Variants in ADGRG7 observed in about 807,000 individuals in gnomAD.
ADGRG7 encodes the protein adhesion G protein-coupled receptor G7.
In ADGRG7, 82 loss-of-function variants were observed where a neutral mutation model predicts 88.6. The ratio of observed to expected loss-of-function variants is 0.93; its 90% confidence interval spans 0.77 to 1.11. The LOEUF (loss-of-function observed/expected upper bound fraction) is 1.11. ADGRG7 is among the 50% of genes most tolerant of loss of function. ADGRG7 has a pLI of 0.00. For synonymous variants in ADGRG7, 381 were observed against 345.2 expected (o/e 1.10, Z -1.15); for missense variants, 945 against 953.4 (o/e 0.99, Z 0.12).
rs72915273 is a variant in ADGRG7 at position 100,663,487 on chromosome 3, C to T, written c.1979+3644C>T. ...GAAATTGGAATAAAGATTCTTTTGCCTCCAAGAACCAAAACAAACACCTAC... is the reference window on the plus strand; with the variant it reads ...GAAATTGGAATAAAGATTCTTTTGCTTCCAAGAACCAAAACAAACACCTAC... On this transcript the variant is annotated intron_variant, in intron 14 of 15. Transcript: ENST00000273352. 4.9e-3 allele frequency among the ~76,000 whole-genome samples: 746 copies of T among 152,130 alleles called. 6 individuals carry two copies. The highest frequency in any genetic ancestry group is 0.017 in the African/African-American group (712 of 41,548).
chr3:100,683,725 G>T (rs1388395574), intron 15 of ADGRG7, among the ~76,000 whole-genome samples: 1 of 152,214 alleles, frequency 6.6e-6, no homozygotes, highest in African/African-American at 2.4e-5. Context: ...TGGCAAAGGT[G>T]CCACTGGCCA....
At chr3:100,634,043 C>T (rs183849194) in intron 4 of ADGRG7, among the ~76,000 whole-genome samples, 44 of 152,300 alleles carry the variant, frequency 2.9e-4, no homozygotes, top group Non-Finnish European at 5.3e-4. Flanking sequence ...ATCAAAGACC[C>T]TTGGAAACAG....
rs184202212 is a variant in ADGRG7, at chr3:100,669,172, G to A, written c.2136+67G>A. The A allele has an allele frequency of 5.5e-6, 7 of 1,277,332 alleles. No individual in the cohort carries two copies. In the Admixed American group the frequency reaches 2.0e-4, roughly 36 times the overall value. 79.1% of individuals were successfully genotyped at this position (1,277,332 alleles called of 1,614,324 possible). A position where few individuals can be genotyped will look rare whatever the true frequency, so the allele number is the denominator to read the frequency against. On this transcript the variant is annotated intron_variant, in intron 15 of 15. Transcript: ENST00000273352. ...GTGGAGATATCATCTTGATATCTTA[G>A]TTACCTTTAAGAGACTATTTTAAAA...
intron 1 of ADGRG7, among the ~76,000 whole-genome samples, chr3:100,629,007 C>A (rs1707419686): frequency 6.6e-6 from 1 of 152,108 alleles, no homozygotes; most frequent in South Asian, 2.1e-4. Context: ...AATCTATGTC[C>A]TGATGTTGTT....
At chr3:100,689,488 G>C (rs2094989335) in intron 15 of ADGRG7, among the ~76,000 whole-genome samples, 1 of 152,172 alleles carries the variant, frequency 6.6e-6, no homozygotes, top group African/African-American at 2.4e-5. Flanking sequence ...TTTACAATTT[G>C]GCATGTTTTT....
intron 15 of ADGRG7, among the ~76,000 whole-genome samples, chr3:100,681,846 A>G (rs527842500): frequency 6.6e-6 from 1 of 152,328 alleles, no homozygotes; most frequent in South Asian, 2.1e-4. Context: ...CTGTATGAAC[A>G]AACATCACCA....
chr3:100,663,399 C>G (rs2094948009), intron 14 of ADGRG7, among the ~76,000 whole-genome samples: 2 of 151,998 alleles, frequency 1.3e-5, no homozygotes, highest in African/African-American at 4.8e-5. Context: ...ATGTTATTAT[C>G]CAATATCAAA....
intron 15 of ADGRG7, among the ~76,000 whole-genome samples, chr3:100,676,769 A>T (rs2094965919): frequency 6.6e-6 from 1 of 152,058 alleles, no homozygotes; most frequent in African/African-American, 2.4e-5. Context: ...TTATTTATAT[A>T]TGTGGGTGCT....
At chr3:100,631,123 TA>T (rs34613540) in intron 3 of ADGRG7, among the ~76,000 whole-genome samples, 47,278 of 151,454 alleles carry the variant, frequency 0.31, 7,782 homozygotes, top group Non-Finnish European at 0.34. Flanking sequence ...GTTATATAAT[TA>T]AAAAAAAAGT....
At chr3:100,691,192 C>T (rs1473067705) in intron 15 of ADGRG7, among the ~76,000 whole-genome samples, 1 of 152,150 alleles carries the variant, frequency 6.6e-6, no homozygotes, top group African/African-American at 2.4e-5. Context: ...CCTGGTGTGC[C>T]GTTTGTTAAG....
intron 15 of ADGRG7, among the ~76,000 whole-genome samples, chr3:100,682,611 C>T (rs1402773303): frequency 6.6e-6 from 1 of 152,228 alleles, no homozygotes; most frequent in Non-Finnish European, 1.5e-5. Flanking sequence ...GGGCCATGAG[C>T]CAGGCAAGGG....
chr3:100,639,040 GTGTGTGTGTGTGTGTGTA>G (rs747545733), intron 6 of ADGRG7, among the ~76,000 whole-genome samples: 1 of 73,282 alleles, frequency 1.4e-5, no homozygotes, highest in African/African-American at 4.0e-5. Flanking sequence ...GTGTGTGTGT[GTGTGTGTGTGTGTGTGTA>G]TGTATATGTA....
chr3:100,632,852 T>C (rs1145350), intron 3 of ADGRG7, among the ~76,000 whole-genome samples: 139,310 of 152,236 alleles, frequency 0.92, 65,068 homozygotes, highest in East Asian at 1. Flanking sequence ...TTGAGGCAAC[T>C]AAACATCTAA....
intron 6 of ADGRG7, among the ~76,000 whole-genome samples, chr3:100,639,022 G>C (rs1460746993): frequency 2.0e-4 from 5 of 25,438 alleles, no homozygotes; most frequent in Non-Finnish European, 5.1e-4. Context: ...GTGTGTGTGT[G>C]TGTGTGTGTG....
intron 15 of ADGRG7, among the ~76,000 whole-genome samples, chr3:100,685,621 A>G (rs532482246): frequency 8.0e-4 from 121 of 151,916 alleles, no homozygotes; most frequent in African/African-American, 2.8e-3. Context: ...GAGAACATGC[A>G]GTGTTTGGTT....
chr3:100,676,930 C>T (rs1385543249), intron 15 of ADGRG7, among the ~76,000 whole-genome samples: 1 of 151,688 alleles, frequency 6.6e-6, no homozygotes, highest in Admixed American at 6.6e-5. Context: ...TGCTCTTTTT[C>T]GGTTTCTGTG....
intron 14 of ADGRG7, among the ~76,000 whole-genome samples, chr3:100,661,435 A>G (rs2094945168): frequency 6.6e-6 from 1 of 152,200 alleles, no homozygotes; most frequent in South Asian, 2.1e-4. Flanking sequence ...TTTTATTTAA[A>G]CCAGTACAAG....
intron 1 of ADGRG7, among the ~76,000 whole-genome samples, chr3:100,619,354 A>G (rs747650065): frequency 1.3e-5 from 2 of 152,216 alleles, no homozygotes; most frequent in Non-Finnish European, 2.9e-5. Flanking sequence ...GTTCTTTGAA[A>G]CCAACAAGAA....
At chr3:100,647,655 G>A (rs912245575) in intron 10 of ADGRG7, among the ~76,000 whole-genome samples, 11 of 152,304 alleles carry the variant, frequency 7.2e-5, no homozygotes, top group African/African-American at 2.6e-4. Context: ...TTTGTAAGAA[G>A]AGGGGCTTCT....
Sources: gnomAD v4.1 joint callset for allele counts (sites outside exome capture counted in the v4.1 genomes callset) on GRCh38, gnomAD v4.1.1 for gene constraint, MANE v1.5 for transcripts, NCBI Gene and HGNC (gene_info 2026-07-23, HGNC 2026-07-21) for gene names.